FLI1: variants seen among roughly 807,000 people sequenced by gnomAD.
FLI1 encodes Fli-1 proto-oncogene, ETS transcription factor.
A neutral mutation model predicts 53.1 loss-of-function variants in FLI1; 13 were observed. The observed-to-expected ratio is 0.24, with a 90% CI of 0.16 to 0.39. FLI1 has a LOEUF of 0.39. FLI1 is among the 10% of genes least tolerant of loss of function. The pLI is 1.00. For synonymous variants in FLI1, 244 were observed against 236.7 expected, an observed-to-expected ratio of 1.03 and a Z score of -0.28; for missense variants, 424 against 600.5, an observed-to-expected ratio of 0.71 and a Z score of 3.07.
chr11:128,782,102 A>G, intron 5 of FLI1, 79 bp downstream of exon 5: 21 of 1,281,900 alleles, frequency 1.6e-5, no homozygotes, highest in Non-Finnish European at 2.3e-5. Context: ...AGGTTGTTGC[A>G]GAAAACCAGC....
intron 1 of FLI1, among the ~76,000 whole-genome samples, chr11:128,714,175 T>A (rs2135723708): frequency 6.7e-6 from 1 of 149,486 alleles, no homozygotes; most frequent in African/African-American, 2.5e-5. Flanking sequence ...AAGCTCTGGG[T>A]TTCAACTTGA....
At chr11:128,716,439 C>T (rs1208592126) in intron 1 of FLI1, among the ~76,000 whole-genome samples, 1 of 152,156 alleles carries the variant, frequency 6.6e-6, no homozygotes, top group Non-Finnish European at 1.5e-5. Flanking sequence ...TTCATTTTCT[C>T]CAACCTCTGT....
chr11:128,751,945 G>A (rs570636467), intron 1 of FLI1, among the ~76,000 whole-genome samples: 5 of 151,760 alleles, frequency 3.3e-5, no homozygotes, highest in African/African-American at 1.2e-4. Flanking sequence ...TTATGGGCAT[G>A]AGCCATTGTG....
At chr11:128,689,793 G>A (rs1276414891), upstream of FLI1, among the ~76,000 whole-genome samples, 2 of 152,188 alleles carry the variant, frequency 1.3e-5, no homozygotes, top group Non-Finnish European at 2.9e-5. Context: ...GGACTCCCTC[G>A]GGGTTTCCTC....
chr11:128,716,171 A>C (rs1416098097), intron 1 of FLI1, among the ~76,000 whole-genome samples: 1 of 152,214 alleles, frequency 6.6e-6, no homozygotes, highest in Non-Finnish European at 1.5e-5. Context: ...CCATTTAGGA[A>C]TCATAGCAAA....
At chr11:128,780,590 C>T (rs1416404868) in intron 4 of FLI1, among the ~76,000 whole-genome samples, 2 of 147,488 alleles carry the variant, frequency 1.4e-5, no homozygotes, top group African/African-American at 2.7e-5. Context: ...AGCGAAACTC[C>T]GTTTCAAAAA....
intron 4 of FLI1, among the ~76,000 whole-genome samples, chr11:128,773,501 G>A (rs944643306): frequency 1.3e-5 from 2 of 151,764 alleles, no homozygotes; most frequent in Non-Finnish European, 2.9e-5. Context: ...AGGAAGAGCA[G>A]CCAAAGGTGC....
At chr11:128,721,837 T>G (rs1418806528) in intron 1 of FLI1, among the ~76,000 whole-genome samples, 2 of 152,190 alleles carry the variant, frequency 1.3e-5, no homozygotes, top group Non-Finnish European at 2.9e-5. Flanking sequence ...TGAAGGCATT[T>G]GGGTGACTTT....
chr11:128,706,064 C>T (rs973499642), intron 1 of FLI1, among the ~76,000 whole-genome samples: 2 of 152,284 alleles, frequency 1.3e-5, no homozygotes, highest in Middle Eastern at 3.4e-3. Flanking sequence ...ACCTCATACA[C>T]GCATACACCT....
rs149188389 is a variant in FLI1 at position 128,699,114 on chromosome 11, G to A, written c.18+4838G>A. The stretch of plus-strand genomic sequence containing the variant: ...CTATTTAAATAAAATCTATTAGAAG[G>A]CATCTTATGGATCCATCAGACTGTG... On this transcript the variant is annotated intron_variant, in intron 1 of 8. Transcript: ENST00000527786. 3.4e-3 allele frequency among the ~76,000 whole-genome samples: 524 copies of A among 152,232 alleles called. 7 individuals are homozygous for A. The highest frequency in any genetic ancestry group is 0.012 in the African/African-American group (503 of 41,526).
chr11:128,801,444 TCAACAATGACATTG>T (rs1942633793), intron 5 of FLI1, among the ~76,000 whole-genome samples: 1 of 152,244 alleles, frequency 6.6e-6, no homozygotes, highest in African/African-American at 2.4e-5. Context: ...AACCCTCACT[TCAACAATGACATTG>T]TTAAAAACAC....
intron 2 of FLI1, among the ~76,000 whole-genome samples, chr11:128,758,558 C>A (rs1011046818): frequency 1.3e-5 from 2 of 152,182 alleles, no homozygotes; most frequent in African/African-American, 4.8e-5. Context: ...CCCTCAGAGG[C>A]CAGGTAGGAG....
intron 1 of FLI1, among the ~76,000 whole-genome samples, chr11:128,701,503 T>C (rs1424920799): frequency 1.3e-5 from 2 of 152,162 alleles, no homozygotes; most frequent in African/African-American, 2.4e-5. Flanking sequence ...GGATCAGAGA[T>C]GGAGTGTTCA....
intron 1 of FLI1, among the ~76,000 whole-genome samples, chr11:128,698,870 TAAAGA>T (rs1244929587): frequency 2.6e-5 from 4 of 152,198 alleles, no homozygotes; most frequent in Non-Finnish European, 5.9e-5. Context: ...TTTTTATCCT[TAAAGA>T]AAAGAAGAAA....
At chr11:128,691,373 G>A (rs1367718357), upstream of FLI1, among the ~76,000 whole-genome samples, 1 of 152,200 alleles carries the variant, frequency 6.6e-6, no homozygotes, top group Non-Finnish European at 1.5e-5. Context: ...ACTGACCTAC[G>A]GGCATGCCAA....
Position 128,800,815 on chromosome 11 carries a change from C to T in FLI1, c.656-4551C>T, listed in dbSNP as rs566119435. ...GTCTTCATTCTCCAGACTGAGGCTC[C>T]GGCCTCTTTGCTTTGGCAAGAGTTG... On this transcript the variant is annotated intron_variant, in intron 5 of 8. Transcript: ENST00000527786. Among the ~76,000 whole-genome samples, 4 of 152,324 alleles carry T rather than the reference C, an allele frequency of 2.6e-5. No homozygotes were observed. In the South Asian group the frequency reaches 6.2e-4, roughly 24 times the overall value.
chr11:128,759,050 T>C (rs1028453318), intron 2 of FLI1, among the ~76,000 whole-genome samples: 3 of 152,230 alleles, frequency 2.0e-5, no homozygotes, highest in Non-Finnish European at 4.4e-5. Context: ...CACTTCCTTA[T>C]GGTCCTTACT....
At chr11:128,696,082 T>C (rs1938060194) in intron 1 of FLI1, 1 of 152,244 alleles carries the variant, frequency 6.6e-6, no homozygotes, top group Non-Finnish European at 1.5e-5. Context: ...CTAACCTCTT[T>C]AGATACACAC....
intron 2 of FLI1, among the ~76,000 whole-genome samples, chr11:128,766,228 G>T (rs906996204): frequency 6.6e-6 from 1 of 152,178 alleles, no homozygotes; most frequent in Non-Finnish European, 1.5e-5. Context: ...CTCAGGCCAG[G>T]TCCTTCCGCA....
Sources: gnomAD v4.1 joint callset for allele counts (sites outside exome capture counted in the v4.1 genomes callset) on GRCh38, gnomAD v4.1.1 for gene constraint, MANE v1.5 for transcripts, NCBI Gene and HGNC (gene_info 2026-07-23, HGNC 2026-07-21) for gene names.